Variants in CACNA1E observed in about 807,000 individuals in gnomAD.
CACNA1E encodes the protein calcium voltage-gated channel subunit alpha1 E.
A neutral mutation model predicts 259.2 loss-of-function variants in CACNA1E; 40 were observed. The observed-to-expected ratio is 0.15, with a 90% CI of 0.12 to 0.20. CACNA1E has a LOEUF of 0.20. CACNA1E is among the 10% of genes least tolerant of loss of function. The pLI is 1.00. For synonymous variants in CACNA1E, 1,104 were observed against 1,138.5 expected, an observed-to-expected ratio of 0.97 and a Z score of 0.61; for missense variants, 1,874 against 3,040.1, an observed-to-expected ratio of 0.62 and a Z score of 9.02.
chr1:181,737,318 T>G (rs999340361), intron 22 of CACNA1E, among the ~76,000 whole-genome samples: 2 of 152,222 alleles, frequency 1.3e-5, no homozygotes, highest in Admixed American at 6.5e-5. Flanking sequence ...GCTTGCGTGC[T>G]GCAGCCTCTA....
chr1:181,619,625 G>A (rs542946589), intron 6 of CACNA1E, among the ~76,000 whole-genome samples: 26 of 152,314 alleles, frequency 1.7e-4, no homozygotes, highest in African/African-American at 6.0e-4. Flanking sequence ...CAGTTAGGAG[G>A]CAATTGCAAT....
intron 8 of CACNA1E, among the ~76,000 whole-genome samples, chr1:181,712,003 C>A (rs1401261791): frequency 1.3e-5 from 2 of 152,156 alleles, no homozygotes; most frequent in African/African-American, 4.8e-5. Context: ...GTAGTGCCGC[C>A]ATCTAGGGAG....
chr1:181,701,850 G>A (rs1429894639), intron 7 of CACNA1E, among the ~76,000 whole-genome samples: 2 of 152,122 alleles, frequency 1.3e-5, no homozygotes, highest in Admixed American at 1.3e-4. Context: ...GAATATTTGT[G>A]GGTTTTTTGG....
intron 1 of CACNA1E, among the ~76,000 whole-genome samples, chr1:181,367,825 A>C (rs1654392668): frequency 6.6e-6 from 1 of 152,142 alleles, no homozygotes; most frequent in Non-Finnish European, 1.5e-5. Context: ...GAAATATGCC[A>C]ATTTATTTAT....
intron 1 of CACNA1E, among the ~76,000 whole-genome samples, chr1:181,380,655 T>G (rs1655396013): frequency 6.6e-6 from 1 of 152,206 alleles, no homozygotes; most frequent in African/African-American, 2.4e-5. Context: ...AAGGCACCAC[T>G]ACATGTCTAT....
At chr1:181,747,138 A>T (rs74998545) in intron 25 of CACNA1E, among the ~76,000 whole-genome samples, 1 of 142,754 alleles carries the variant, frequency 7.0e-6, no homozygotes, top group Non-Finnish European at 1.6e-5. Context: ...GAGCCTGGCC[A>T]TTCCCTGAGG....
intron 2 of CACNA1E, among the ~76,000 whole-genome samples, chr1:181,418,978 G>C (rs1658504456): frequency 6.6e-6 from 1 of 152,078 alleles, no homozygotes; most frequent in Admixed American, 6.6e-5. Context: ...TTGGGGGATA[G>C]AGAGTTTAAG....
rs766787492 is a variant in CACNA1E, at chr1:181,798,912, C to CG, written c.*85dup. The CG allele has an allele frequency of 3.5e-5, 46 of 1,309,220 alleles. No individual in the cohort carries two copies. The highest frequency in any genetic ancestry group is 8.7e-5 in the Admixed American group (3 of 34,330). 81.1% of individuals were successfully genotyped at this position (1,309,220 alleles called of 1,614,324 possible). ...ACAGAATTGGGAAGCCAGTGCGGCC[C>CG]GGGGGGGAGGAAGAGGGAAAAGGAA... On this transcript the variant is annotated 3_prime_UTR_variant, in exon 48 of 48. Coordinates refer to ENST00000367573, the MANE Select transcript of CACNA1E (RefSeq NM_001205293.3). The surrounding 1 kb of genome is among the most constrained non-coding windows in gnomAD (Gnocchi z 4.2).
intron 6 of CACNA1E, among the ~76,000 whole-genome samples, chr1:181,610,093 A>G (rs1654612803): frequency 6.6e-6 from 1 of 152,174 alleles, no homozygotes; most frequent in African/African-American, 2.4e-5. Flanking sequence ...GGTGTGCACA[A>G]AGCATCTTCC....
At chr1:181,535,647 C>T (rs1668110787) in intron 3 of CACNA1E, among the ~76,000 whole-genome samples, 1 of 151,652 alleles carries the variant, frequency 6.6e-6, no homozygotes, top group Non-Finnish European at 1.5e-5. Context: ...TGTCTTTTAT[C>T]CTTTGTGGCT....
intron 1 of CACNA1E, among the ~76,000 whole-genome samples, chr1:181,503,788 G>A (rs1665471954): frequency 6.6e-6 from 1 of 152,218 alleles, no homozygotes; most frequent in Admixed American, 6.5e-5. Flanking sequence ...TGTGGGAATG[G>A]ATGGTCATAA....
intron 10 of CACNA1E, 44 bp from the exon 11 acceptor site, chr1:181,717,049 C>G (rs765210836): frequency 6.4e-7 from 1 of 1,552,624 alleles, no homozygotes; most frequent in South Asian, 1.1e-5. Flanking sequence ...GCCCGGACCA[C>G]AGGATATTTT....
At position 181,365,170 on chromosome 1, in the gene CACNA1E, T is replaced by A. The variant is rs571099085; in HGVS notation, c.-15+47047T>A. On this transcript the variant is annotated intron_variant, in intron 1 of 11. Coordinates refer to the CACNA1E transcript ENST00000524607. ...CAGGATGGCAATCCTAGCTTTTTTT[T>A]ATTTTTTATTTTTATGAATCAATGT... Among the ~76,000 whole-genome samples, 9 of 152,276 alleles carry A rather than the reference T, an allele frequency of 5.9e-5. No individual in the cohort carries two copies. In the East Asian group the frequency reaches 1.7e-3, roughly 29 times the overall value.
chr1:181,408,424 T>G (rs1444914180), intron 1 of CACNA1E, among the ~76,000 whole-genome samples: 1 of 152,154 alleles, frequency 6.6e-6, no homozygotes, highest in African/African-American at 2.4e-5. Flanking sequence ...GTAAAACTCT[T>G]GATAGGGTAT....
chr1:181,711,721 G>T (rs1653383178), intron 8 of CACNA1E, among the ~76,000 whole-genome samples: 1 of 152,128 alleles, frequency 6.6e-6, no homozygotes, highest in African/African-American at 2.4e-5. Context: ...TGGGAGAGGA[G>T]TATTTCAGCG....
At chr1:181,423,987 G>T (rs898279947) in intron 2 of CACNA1E, among the ~76,000 whole-genome samples, 1 of 152,114 alleles carries the variant, frequency 6.6e-6, no homozygotes, top group African/African-American at 2.4e-5. Context: ...GGACTGACTT[G>T]GTCCTGAAGG....
At chr1:181,393,078 T>C (rs1656408317) in intron 1 of CACNA1E, among the ~76,000 whole-genome samples, 1 of 152,220 alleles carries the variant, frequency 6.6e-6, no homozygotes, top group South Asian at 2.1e-4. Flanking sequence ...TGGATTTTCT[T>C]TGTGGAGTGC....
chr1:181,798,219 C>A lies in CACNA1E; in HGVS notation c.6400-73C>A. The A allele has an allele frequency of 8.0e-7, 1 of 1,249,648 alleles. No homozygotes were observed. Among genetic ancestry groups the A allele is most frequent in the Non-Finnish European group, 1.1e-6 (1 of 898,612 alleles). The allele number at this position is 1,249,648 out of a possible 1,614,324, so 77.4% of individuals were successfully genotyped here. A position where few individuals can be genotyped will look rare whatever the true frequency, so the allele number is the denominator to read the frequency against. On this transcript the variant is annotated intron_variant, in intron 47 of 47. Coordinates refer to ENST00000367573, the MANE Select transcript of CACNA1E (RefSeq NM_001205293.3). This position sits in a 1 kb window ranked among gnomAD's most constrained non-coding sequence, Gnocchi z 4.2. ...CCTGACAGAATTCAGATTCCAAGGA[C>A]TCTCTTAACAGAGTTGCAAGTAGGG...
intron 7 of CACNA1E, among the ~76,000 whole-genome samples, chr1:181,708,410 T>G (rs1287122545): frequency 6.6e-6 from 1 of 152,160 alleles, no homozygotes; most frequent in African/African-American, 2.4e-5. Flanking sequence ...TTAAGTCACT[T>G]TAGATTCAGT....
Sources: gnomAD v4.1 joint callset for allele counts (sites outside exome capture counted in the v4.1 genomes callset) on GRCh38, gnomAD v4.1.1 for gene constraint, Gnocchi (gnomAD v3.1) non-coding constraint, MANE v1.5 for transcripts, NCBI Gene and HGNC (gene_info 2026-07-23, HGNC 2026-07-21) for gene names.